ULK4: variants seen among roughly 807,000 people sequenced by gnomAD.
ULK4 encodes the protein inactive serine/threonine-protein kinase ULK4.
ULK4 carries 133 observed loss-of-function variants against 160.6 expected under a neutral mutation model. That is an observed-to-expected ratio of 0.83 (90% CI 0.72 to 0.96). ULK4 has a LOEUF of 0.96. Among genes scored for constraint, ULK4 ranks in the 40% least tolerant of loss-of-function variants. The pLI is 0.00. For missense variants in ULK4, 1,580 were observed against 1,499.5 expected, an observed-to-expected ratio of 1.05 and a Z score of -0.89; for synonymous variants, 534 against 539.8, an observed-to-expected ratio of 0.99 and a Z score of 0.15.
chr3:41,806,228 G>A (rs992067880), intron 19 of ULK4, among the ~76,000 whole-genome samples: 6 of 149,078 alleles, frequency 4.0e-5, no homozygotes, highest in Non-Finnish European at 7.4e-5. Context: ...TGTATGTGTC[G>A]AGGAATTTAT....
chr3:41,839,157 G>A (rs1264449183), intron 17 of ULK4, among the ~76,000 whole-genome samples: 1 of 152,058 alleles, frequency 6.6e-6, no homozygotes, highest in Non-Finnish European at 1.5e-5. Context: ...AGACCAGCCT[G>A]ACCAACATGG....
Position 41,661,369 on chromosome 3 carries a change from G to A in ULK4, c.3071+2238C>T, listed in dbSNP as rs529213592. On this transcript the variant is annotated intron_variant, in intron 30 of 36. Transcript: ENST00000301831. ...TTTTTTTAGTCAATCACCACGAAGTGAATTTATTTCAGTATTTATGTGTGT... is the reference window on the plus strand; with the variant it reads ...TTTTTTTAGTCAATCACCACGAAGTAAATTTATTTCAGTATTTATGTGTGT... Among the ~76,000 whole-genome samples the A allele has an allele frequency of 1.8e-3, 279 of 152,032 alleles. 1 individual carries two copies. The highest frequency in any genetic ancestry group is 6.8e-3 in the Middle Eastern group (2 of 294).
chr3:41,408,318 C>T (rs569354771), intron 34 of ULK4, among the ~76,000 whole-genome samples: 35 of 149,144 alleles, frequency 2.3e-4, no homozygotes, highest in African/African-American at 8.6e-4. Flanking sequence ...GTCCCAGCTA[C>T]TGGGGAGGCT....
chr3:41,889,753 A>C (rs1697850940), intron 16 of ULK4, among the ~76,000 whole-genome samples: 2 of 152,256 alleles, frequency 1.3e-5, no homozygotes, highest in African/African-American at 2.4e-5. Flanking sequence ...CATTTTATCC[A>C]GCAATCTCAC....
intron 17 of ULK4, among the ~76,000 whole-genome samples, chr3:41,856,832 A>T (rs2042376368): frequency 1.3e-5 from 2 of 151,462 alleles, no homozygotes; most frequent in Admixed American, 1.3e-4. Context: ...CTTGAGCCAG[A>T]AGGGAGGCAG....
chr3:41,406,725 C>T (rs188926482), intron 34 of ULK4, among the ~76,000 whole-genome samples: 9 of 152,158 alleles, frequency 5.9e-5, no homozygotes, highest in Admixed American at 5.2e-4. Context: ...TCTATTTTTC[C>T]AGTGATGACC....
At chr3:41,638,651 T>C (rs979614120) in intron 30 of ULK4, among the ~76,000 whole-genome samples, 5 of 152,258 alleles carry the variant, frequency 3.3e-5, no homozygotes, top group African/African-American at 4.8e-5. Context: ...GCAGCTCTTG[T>C]GCTCTTTAAT....
At chr3:41,604,252 G>C (rs1023178428) in intron 31 of ULK4, among the ~76,000 whole-genome samples, 1 of 152,066 alleles carries the variant, frequency 6.6e-6, no homozygotes, top group Non-Finnish European at 1.5e-5. Flanking sequence ...GACACGAGGC[G>C]AGAGAGGCAA....
intron 7 of ULK4, 70 bp downstream of exon 7, chr3:41,918,387 C>A: frequency 9.9e-7 from 1 of 1,006,694 alleles, no homozygotes; most frequent in Non-Finnish European, 1.4e-6. Flanking sequence ...TAAAAGCAAA[C>A]GTTGGATAAA....
intron 17 of ULK4, among the ~76,000 whole-genome samples, chr3:41,872,558 T>C (rs1021416949): frequency 1.8e-5 from 2 of 113,250 alleles, no homozygotes; most frequent in African/African-American, 4.9e-5. Flanking sequence ...CAGTTAAACG[T>C]ACAGCTCAGC....
chr3:41,862,787 G>GC (rs2042532752), intron 17 of ULK4, among the ~76,000 whole-genome samples: 1 of 106,816 alleles, frequency 9.4e-6, no homozygotes, highest in Non-Finnish European at 1.7e-5. Flanking sequence ...CTCTCTCTCC[G>GC]CTCCCCCCCC....
At chr3:41,878,424 A>C (rs1276930003) in intron 17 of ULK4, among the ~76,000 whole-genome samples, 1 of 152,198 alleles carries the variant, frequency 6.6e-6, no homozygotes, top group Non-Finnish European at 1.5e-5. Context: ...ATCTCACTAG[A>C]CACGGAGATT....
chr3:41,613,637 G>T (rs1251342661), intron 31 of ULK4, among the ~76,000 whole-genome samples: 1 of 152,122 alleles, frequency 6.6e-6, no homozygotes, highest in Admixed American at 6.5e-5. Flanking sequence ...ATATTTCATC[G>T]ATTGAAAAAT....
At chr3:41,791,115 T>C (rs2040137217) in intron 20 of ULK4, among the ~76,000 whole-genome samples, 1 of 152,172 alleles carries the variant, frequency 6.6e-6, no homozygotes, top group African/African-American at 2.4e-5. Flanking sequence ...TTCTTAAACA[T>C]CTTAGAAAAA....
chr3:41,669,673 T>C (rs899624474), intron 29 of ULK4, among the ~76,000 whole-genome samples: 2 of 152,192 alleles, frequency 1.3e-5, no homozygotes, highest in Non-Finnish European at 2.9e-5. Flanking sequence ...TTATATATAA[T>C]GTAAAATACT....
At chr3:41,366,056 A>T (rs1400907189) in intron 35 of ULK4, among the ~76,000 whole-genome samples, 1 of 152,182 alleles carries the variant, frequency 6.6e-6, no homozygotes, top group Non-Finnish European at 1.5e-5. Flanking sequence ...CAAAGACAGG[A>T]CAGTCTCACA....
intron 35 of ULK4, among the ~76,000 whole-genome samples, chr3:41,280,226 C>A (rs2079324940): frequency 6.6e-6 from 1 of 152,188 alleles, no homozygotes; most frequent in South Asian, 2.1e-4. Flanking sequence ...TTTAATACCA[C>A]ATTGTCAATA....
intron 32 of ULK4, among the ~76,000 whole-genome samples, chr3:41,497,957 G>A (rs946179824): frequency 3.3e-5 from 5 of 152,082 alleles, no homozygotes; most frequent in African/African-American, 1.2e-4. Context: ...ATCATAACTG[G>A]AGATTTTAAT....
intron 22 of ULK4, among the ~76,000 whole-genome samples, chr3:41,737,739 T>C (rs2038104315): frequency 6.6e-6 from 1 of 151,980 alleles, no homozygotes; most frequent in African/African-American, 2.4e-5. Flanking sequence ...CTCAGCAAAC[T>C]CATCGTCCAA....
Sources: allele counts gnomAD v4.1 joint callset (sites outside exome capture counted in the v4.1 genomes callset), GRCh38; gene constraint gnomAD v4.1.1; transcripts MANE v1.5; gene names NCBI Gene and HGNC (gene_info 2026-07-23, HGNC 2026-07-21).